The following FHIT variants were observed in gnomAD, a reference collection of about 807,000 sequenced individuals.
FHIT encodes bis(5'-adenosyl)-triphosphatase.
Under a neutral mutation model 17.9 loss-of-function variants are expected in FHIT, and 19 were observed. The ratio of observed to expected loss-of-function variants is 1.06; its 90% CI spans 0.74 to 1.56. The LOEUF (loss-of-function observed/expected upper bound fraction) is 1.56. Ranked by LOEUF, FHIT falls within the 40% of genes most tolerant of loss-of-function variation. The probability of loss-of-function intolerance (pLI) is 0.00; values close to 1 mark genes in which losing one functional copy is unlikely to be tolerated. For synonymous variants in FHIT, 81 were observed against 69.7 expected (o/e 1.16, Z -0.81); for missense variants, 248 against 189.2 (o/e 1.31, Z -1.82).
intron 5 of FHIT, among the ~76,000 whole-genome samples, chr3:60,234,391 G>C (rs1167850836): frequency 5.3e-5 from 8 of 152,140 alleles, no homozygotes; most frequent in Non-Finnish European, 1.2e-4. Flanking sequence ...ATACCTGTGA[G>C]TTTTCTCTGA....
chr3:60,793,449 C>A (rs1380995832), intron 4 of FHIT, among the ~76,000 whole-genome samples: 2 of 152,030 alleles, frequency 1.3e-5, no homozygotes, highest in Admixed American at 6.5e-5. Context: ...ATTACAGGTG[C>A]CTGCTACCAC....
chr3:60,911,882 T>C (rs1411377926), intron 3 of FHIT, among the ~76,000 whole-genome samples: 1 of 152,166 alleles, frequency 6.6e-6, no homozygotes, highest in East Asian at 1.9e-4. Context: ...CAAGAAACTA[T>C]AGAGGTTTAA....
chr3:60,655,490 G>A (rs1553689333), intron 4 of FHIT, among the ~76,000 whole-genome samples: 1 of 152,178 alleles, frequency 6.6e-6, no homozygotes, highest in South Asian at 2.1e-4. Flanking sequence ...AACGAGGAGA[G>A]AGCAAATGCA....
intron 5 of FHIT, among the ~76,000 whole-genome samples, chr3:60,482,415 G>A (rs921147184): frequency 2.0e-5 from 3 of 151,976 alleles, no homozygotes; most frequent in Admixed American, 1.3e-4. Flanking sequence ...TTCTAAAATC[G>A]ACCACATAAT....
intron 1 of FHIT, among the ~76,000 whole-genome samples, chr3:61,201,374 C>T (rs572612438): frequency 1.3e-5 from 2 of 152,298 alleles, no homozygotes; most frequent in African/African-American, 2.4e-5. Flanking sequence ...CTTACAGTAT[C>T]GTGAAGCTGG....
At chr3:60,690,502 G>A (rs1196763083) in intron 4 of FHIT, 1 of 563,992 alleles carries the variant, frequency 1.8e-6, no homozygotes, top group Non-Finnish European at 3.6e-6. Flanking sequence ...CTTGCTACCA[G>A]TGCCATTATG....
At chr3:59,905,901 CA>C (rs77316440) in intron 8 of FHIT, among the ~76,000 whole-genome samples, 12,177 of 151,892 alleles carry the variant, frequency 0.08, 877 homozygotes, top group East Asian at 0.37. Context: ...AGTCAATTTA[CA>C]AAAAAAACCC....
chr3:60,429,383 G>C (rs1021697543), intron 5 of FHIT, among the ~76,000 whole-genome samples: 2 of 152,036 alleles, frequency 1.3e-5, no homozygotes, highest in African/African-American at 2.4e-5. Context: ...CCAGAAAGGA[G>C]CAAGAGCTAA....
rs543255140 is a variant in FHIT at position 60,875,821 on chromosome 3, G to A, written c.-110-53810C>T. On this transcript the variant is annotated intron_variant, in intron 3 of 9. Coordinates refer to ENST00000492590, the MANE Select transcript of FHIT (RefSeq NM_002012.4). Reference sequence around the variant, plus strand: ...AGTTAAGCAAATGGCCAAAAGTTATGCAGGTAGTAAGTAGCAGACATAGAA... The same window carrying A: ...AGTTAAGCAAATGGCCAAAAGTTATACAGGTAGTAAGTAGCAGACATAGAA... Among the ~76,000 whole-genome samples the A allele has an allele frequency of 2.0e-5, 3 of 151,978 alleles. No individual in the cohort carries two copies. In the South Asian group the frequency reaches 6.2e-4, roughly 32 times the overall value.
At chr3:60,953,948 C>T (rs1709003894) in intron 3 of FHIT, among the ~76,000 whole-genome samples, 1 of 152,282 alleles carries the variant, frequency 6.6e-6, no homozygotes, top group Admixed American at 6.5e-5. Context: ...CAAAAATCAA[C>T]CACGAAGGAT....
chr3:60,256,724 C>A (rs1706013562), intron 5 of FHIT, among the ~76,000 whole-genome samples: 1 of 152,178 alleles, frequency 6.6e-6, no homozygotes, highest in South Asian at 2.1e-4. Flanking sequence ...CTGTGCCATC[C>A]CAGCACCATC....
intron 3 of FHIT, among the ~76,000 whole-genome samples, chr3:60,930,021 T>A (rs368328776): frequency 8.8e-4 from 134 of 152,198 alleles, no homozygotes; most frequent in African/African-American, 3.1e-3. Flanking sequence ...ACAGAGATAT[T>A]GACCAATGGA....
chr3:60,770,397 T>C (rs540570654), intron 4 of FHIT, among the ~76,000 whole-genome samples: 13 of 152,322 alleles, frequency 8.5e-5, no homozygotes, highest in South Asian at 4.1e-4. Flanking sequence ...CTCCACATCA[T>C]GAATTCTTCC....
At chr3:60,558,780 T>C (rs1029585930) in intron 4 of FHIT, among the ~76,000 whole-genome samples, 40 of 152,180 alleles carry the variant, frequency 2.6e-4, no homozygotes, top group Non-Finnish European at 5.6e-4. Flanking sequence ...TAACAGAATC[T>C]TTTAGATACC....
At chr3:60,801,827 A>G (rs1701202337) in intron 4 of FHIT, among the ~76,000 whole-genome samples, 1 of 152,188 alleles carries the variant, frequency 6.6e-6, no homozygotes, top group South Asian at 2.1e-4. Context: ...CATACTGGTG[A>G]TGATCGTAAT....
At chr3:60,860,274 ATACATCATAT>A (rs1703626902) in intron 3 of FHIT, among the ~76,000 whole-genome samples, 1 of 135,062 alleles carries the variant, frequency 7.4e-6, no homozygotes, top group African/African-American at 2.6e-5. Context: ...TATACATGAG[ATACATCATAT>A]GTATACATGA....
chr3:59,761,606 AT>A (rs142875122), intron 8 of FHIT, among the ~76,000 whole-genome samples: 3,848 of 142,316 alleles, frequency 0.027, 70 homozygotes, highest in Non-Finnish European at 0.04. Flanking sequence ...TTAGCAATTT[AT>A]TTTATTTTTT....
chr3:59,954,415 A>T (rs1707291448), intron 7 of FHIT, among the ~76,000 whole-genome samples: 1 of 152,104 alleles, frequency 6.6e-6, no homozygotes, highest in South Asian at 2.1e-4. Context: ...AGACACAATG[A>T]AGAAAAAATC....
intron 5 of FHIT, among the ~76,000 whole-genome samples, chr3:60,380,522 G>T (rs187558232): frequency 2.6e-5 from 4 of 152,184 alleles, no homozygotes; most frequent in Admixed American, 2.6e-4. Context: ...TCATTTTACA[G>T]CGAGGATACT....
Sources: gnomAD v4.1 joint callset for allele counts (sites outside exome capture counted in the v4.1 genomes callset) on GRCh38, gnomAD v4.1.1 for gene constraint, MANE v1.5 for transcripts, NCBI Gene and HGNC (gene_info 2026-07-23, HGNC 2026-07-21) for gene names.